The following MTA1 variants were observed in gnomAD, a reference collection of about 807,000 sequenced individuals.
MTA1 encodes metastasis associated 1.
Under a neutral mutation model 97.0 loss-of-function variants are expected in MTA1, and 15 were observed. The observed-to-expected ratio is 0.15, with a 90% CI of 0.10 to 0.24. The LOEUF (loss-of-function observed/expected upper bound fraction) is 0.24. Ranked by LOEUF, MTA1 falls within the 10% of genes least tolerant of loss-of-function variation. The pLI is 1.00. For synonymous variants in MTA1, 435 were observed against 417.5 expected (o/e 1.04, Z -0.51); for missense variants, 709 against 1,015.1 (o/e 0.70, Z 4.10).
At chr14:105,462,625 T>C (rs1555431290) in intron 10 of MTA1, among the ~76,000 whole-genome samples, 2 of 150,312 alleles carry the variant, frequency 1.3e-5, no homozygotes, top group African/African-American at 4.9e-5. Flanking sequence ...ATAATCCCAT[T>C]TGGGAGGCCG....
intron 19 of MTA1, 126 bp from the exon 20 acceptor site, chr14:105,469,715 G>C: frequency 7.2e-7 from 1 of 1,387,816 alleles, no homozygotes; most frequent in South Asian, 1.4e-5. Context: ...GGCCAGGCTG[G>C]GGGTCCGTGT....
Position 105,460,830 on chromosome 14 carries a change from G to A in MTA1, c.819G>A (p.Val273=). ...YDISKAISAL[V]PQGGPVLCRD... is the part of the protein sequence containing the mutation. Reference sequence around the variant, plus strand: ...TCTCCAAGGCCATCTCGGCGCTGGTGCCGCAGGGCGGGCCCGTGCTCTGCA... The same window carrying A: ...TCTCCAAGGCCATCTCGGCGCTGGTACCGCAGGGCGGGCCCGTGCTCTGCA... Residue 273 remains valine, a synonymous_variant, in exon 10 of 21, where the codon GTG becomes GTA. Coordinates refer to ENST00000331320, the MANE Select transcript of MTA1 (RefSeq NM_004689.4). 2 of 1,612,020 alleles carry A rather than the reference G, an allele frequency of 1.2e-6. No homozygotes were observed. Among genetic ancestry groups the A allele is most frequent in the Non-Finnish European group, 1.7e-6 (2 of 1,179,354 alleles).
chr14:105,436,424 G>A (rs587749015), intron 1 of MTA1, among the ~76,000 whole-genome samples: 2 of 151,984 alleles, frequency 1.3e-5, no homozygotes, highest in African/African-American at 4.8e-5. Context: ...TTCCTTTTAC[G>A]TGTACAGTTC....
chr14:105,444,198 C>G (rs1045951258), intron 2 of MTA1, among the ~76,000 whole-genome samples: 9 of 151,428 alleles, frequency 5.9e-5, no homozygotes, highest in African/African-American at 2.2e-4. Flanking sequence ...ACGGTGAAAC[C>G]CAGTCTCTAC....
At chr14:105,455,778 A>G (rs1269325176) in intron 7 of MTA1, among the ~76,000 whole-genome samples, 16 of 152,172 alleles carry the variant, frequency 1.1e-4, no homozygotes, top group African/African-American at 3.6e-4. Flanking sequence ...CATTGCAAGC[A>G]TCTGTGCTCT....
intron 10 of MTA1, 26 bp downstream of exon 10, chr14:105,460,979 GA>G (rs2083325471): frequency 1.3e-6 from 2 of 1,593,378 alleles, no homozygotes; most frequent in Non-Finnish European, 1.7e-6. Context: ...GGCGATGGGG[GA>G]GTGGCTGGCC....
intron 6 of MTA1, 24 bp from the exon 7 acceptor site, chr14:105,454,169 T>C (rs1555429314): frequency 6.3e-7 from 1 of 1,580,680 alleles, no homozygotes; most frequent in Non-Finnish European, 8.7e-7. Context: ...CTGACGCCTC[T>C]CTGTCTCCTG....
intron 3 of MTA1, 129 bp from the exon 4 acceptor site, chr14:105,449,230 C>G: frequency 1.2e-6 from 1 of 865,478 alleles, no homozygotes. Context: ...TCACGCCCCA[C>G]CGGGAGGCCT....
chr14:105,465,420 G>A (rs1170536713), intron 16 of MTA1: 4 of 365,036 alleles, frequency 1.1e-5, no homozygotes, highest in Admixed American at 4.4e-5. Context: ...AGTAGCGGCC[G>A]CCCTGTCTTC....
At chr14:105,432,720 C>T (rs782236868) in intron 1 of MTA1, among the ~76,000 whole-genome samples, 2 of 152,214 alleles carry the variant, frequency 1.3e-5, no homozygotes, top group Non-Finnish European at 2.9e-5. Flanking sequence ...AAAATTTATA[C>T]TGTGATGAAG....
chr14:105,437,226 T>C (rs2082352158), intron 1 of MTA1, among the ~76,000 whole-genome samples: 1 of 146,008 alleles, frequency 6.8e-6, no homozygotes, highest in Admixed American at 6.8e-5. Context: ...CACAGATGTG[T>C]CCTCACGGGC....
chr14:105,458,586 TG>T (rs1205399371), intron 8 of MTA1, among the ~76,000 whole-genome samples: 2 of 152,148 alleles, frequency 1.3e-5, no homozygotes, highest in African/African-American at 4.8e-5. Context: ...GCGGCCCTTC[TG>T]GGGGGCAGGC....
intron 1 of MTA1, among the ~76,000 whole-genome samples, chr14:105,429,770 T>TTTTG (rs2082124971): frequency 7.3e-6 from 1 of 137,252 alleles, no homozygotes; most frequent in Non-Finnish European, 1.5e-5. Context: ...TTTTTTTTTT[T>TTTTG]TTTGGTGACC....
chr14:105,438,439 C>T (rs1292871996), intron 1 of MTA1, among the ~76,000 whole-genome samples: 2 of 152,194 alleles, frequency 1.3e-5, no homozygotes, highest in Non-Finnish European at 2.9e-5. Flanking sequence ...TGGGAACGGC[C>T]CCTCCAGATG....
chr14:105,461,344 A>G (rs1365236368), intron 10 of MTA1, among the ~76,000 whole-genome samples: 1 of 152,148 alleles, frequency 6.6e-6, no homozygotes, highest in African/African-American at 2.4e-5. Flanking sequence ...TTGACTCCTC[A>G]TGTCCTTGTT....
chr14:105,435,331 G>A (rs1266891707), intron 1 of MTA1, among the ~76,000 whole-genome samples: 1 of 152,156 alleles, frequency 6.6e-6, no homozygotes, highest in Non-Finnish European at 1.5e-5. Flanking sequence ...TGTCACCCAG[G>A]CTTGAGTGCA....
intron 1 of MTA1, among the ~76,000 whole-genome samples, chr14:105,427,432 G>A (rs782248496): frequency 1.3e-5 from 2 of 152,226 alleles, no homozygotes; most frequent in Non-Finnish European, 2.9e-5. Flanking sequence ...CTGGACACAG[G>A]CAGGCTGGGA....
chr14:105,450,444 T>C, intron 6 of MTA1, 120 bp downstream of exon 6: 1 of 1,162,800 alleles, frequency 8.6e-7, no homozygotes, highest in Non-Finnish European at 1.2e-6. Flanking sequence ...AGGCCCAGGC[T>C]GTTCTGGGGG....
chr14:105,443,583 C>T (rs2082615687), intron 2 of MTA1, among the ~76,000 whole-genome samples: 2 of 152,302 alleles, frequency 1.3e-5, no homozygotes, highest in South Asian at 2.1e-4. Flanking sequence ...CCATGTTGCC[C>T]AGGCTGGTCT....
Sources: allele counts gnomAD v4.1 joint callset (sites outside exome capture counted in the v4.1 genomes callset), GRCh38; gene constraint gnomAD v4.1.1; transcripts MANE v1.5; gene names NCBI Gene and HGNC (gene_info 2026-07-23, HGNC 2026-07-21).